ADAMTS2: variants seen among roughly 807,000 people sequenced by gnomAD.
ADAMTS2 encodes the protein A disintegrin and metalloproteinase with thrombospondin motifs 2.
Under a neutral mutation model 123.0 loss-of-function variants are expected in ADAMTS2, and 50 were observed. The ratio of observed to expected loss-of-function variants is 0.41; its 90% CI spans 0.32 to 0.51. The LOEUF is 0.51. ADAMTS2 is among the 20% of genes least tolerant of loss of function. The pLI is 0.35. For synonymous variants in ADAMTS2, 678 were observed against 695.4 expected (o/e 0.98, Z 0.39); for missense variants, 1,494 against 1,705.2 (o/e 0.88, Z 2.18).
chr5:179,255,756 G>A (rs1418817215), intron 3 of ADAMTS2, among the ~76,000 whole-genome samples: 1 of 152,182 alleles, frequency 6.6e-6, no homozygotes, highest in Non-Finnish European at 1.5e-5. Flanking sequence ...CCCCCAAGCA[G>A]GGGTGGCACG....
In ADAMTS2 at chr5:179,311,586, C is replaced by T. The variant is rs190536817; in HGVS notation, c.534+32181G>A. ...GAACTCTGCTAAGTCATGAATGCCC[C>T]ATCTCTCCATATCTGATCACCCTTG... On this transcript the variant is annotated intron_variant, in intron 2 of 21. Transcript: ENST00000251582. Among the ~76,000 whole-genome samples the T allele has an allele frequency of 1.3e-3, 198 of 152,310 alleles. 2 individuals are homozygous for T. The highest frequency in any genetic ancestry group is 4.7e-3 in the African/African-American group (195 of 41,566).
intron 2 of ADAMTS2, among the ~76,000 whole-genome samples, chr5:179,327,700 G>A (rs536421230): frequency 6.6e-6 from 1 of 152,218 alleles, no homozygotes; most frequent in African/African-American, 2.4e-5. Flanking sequence ...GTCCACTTTG[G>A]GTCTACCACC....
rs1435518879 is a variant in ADAMTS2, at chr5:179,129,240, G to A, written c.2457+692C>T. Among the ~76,000 whole-genome samples, 1 of 152,164 alleles carries A rather than the reference G, an allele frequency of 6.6e-6. No homozygotes were observed. The highest frequency in any genetic ancestry group is 1.5e-5 in the Non-Finnish European group (1 of 68,030). On this transcript the variant is annotated intron_variant, in intron 16 of 21. Transcript: ENST00000251582. This position sits in a 1 kb window ranked among gnomAD's most constrained non-coding sequence, Gnocchi z 4.1. ...CAGGCAGGGTGCCAGGGGGTACACG[G>A]GGCATACCTGGCTCACTGCTGCACC...
intron 5 of ADAMTS2, among the ~76,000 whole-genome samples, chr5:179,173,082 C>A (rs192089857): frequency 6.6e-6 from 1 of 150,994 alleles, no homozygotes; most frequent in African/African-American, 2.4e-5. Context: ...TGTGGTGGTG[C>A]GTGCCTGTAG....
In ADAMTS2 at chr5:179,262,251, C is replaced by T. The variant is rs1324150888; in HGVS notation, c.688+10660G>A. Among the ~76,000 whole-genome samples the T allele has an allele frequency of 2.6e-5, 4 of 152,116 alleles. No individual in the cohort carries two copies. Among genetic ancestry groups the T allele is most frequent in the Non-Finnish European group, 5.9e-5 (4 of 68,030 alleles). ...CACCTGCCCGGCCAGCCTCAGGCCA[C>T]CAGCCAGCCTCCCAGCCACGTGACC... On this transcript the variant is annotated intron_variant, in intron 3 of 21. Transcript: ENST00000251582. The surrounding 1 kb of genome is among the most constrained non-coding windows in gnomAD (Gnocchi z 5.9).
At chr5:179,325,226 G>A (rs1470023203) in intron 2 of ADAMTS2, among the ~76,000 whole-genome samples, 1 of 152,222 alleles carries the variant, frequency 6.6e-6, no homozygotes, top group African/African-American at 2.4e-5. Flanking sequence ...AGCAGGAAAT[G>A]ATGATGGTCA....
At chr5:179,344,444 C>A (rs560649654) in intron 1 of ADAMTS2, among the ~76,000 whole-genome samples, 138 of 152,338 alleles carry the variant, frequency 9.1e-4, no homozygotes, top group African/African-American at 3.2e-3. Context: ...AGGGTTGGGG[C>A]TCGGTGGGAA....
chr5:179,278,187 C>A (rs898604148), intron 2 of ADAMTS2, among the ~76,000 whole-genome samples: 1 of 91,902 alleles, frequency 1.1e-5, no homozygotes, highest in Non-Finnish European at 2.5e-5. Context: ...CAAAGGCTGA[C>A]CCCCCCAAGA....
At position 179,180,989 on chromosome 5, in the gene ADAMTS2, T is replaced by C; in HGVS notation, c.975+83A>G. ...GGGTGGTTCTGGCAAACGCACACACTCTCCAAGGAGGCCCATGCCTCACTC... is the reference window on the plus strand; with the variant it reads ...GGGTGGTTCTGGCAAACGCACACACCCTCCAAGGAGGCCCATGCCTCACTC... On this transcript the variant is annotated intron_variant, in intron 5 of 21. Transcript: ENST00000251582. This position sits in a 1 kb window ranked among gnomAD's most constrained non-coding sequence, Gnocchi z 4.6. The C allele has an allele frequency of 9.1e-7, 1 of 1,093,938 alleles. No individual in the cohort carries two copies. Among genetic ancestry groups the C allele is most frequent in the Non-Finnish European group, 1.4e-6 (1 of 714,610 alleles). The allele number at this position is 1,093,938 out of a possible 1,614,324, so 67.8% of individuals were successfully genotyped here.
At chr5:179,223,505 CTCATACGA>C (rs1229727589) in intron 3 of ADAMTS2, among the ~76,000 whole-genome samples, 9 of 151,232 alleles carry the variant, frequency 6.0e-5, no homozygotes, top group African/African-American at 2.2e-4. Flanking sequence ...CACATGCACA[CTCATACGA>C]ATGCACTCAC....
At chr5:179,219,624 G>A (rs749284355) in intron 3 of ADAMTS2, among the ~76,000 whole-genome samples, 1 of 152,232 alleles carries the variant, frequency 6.6e-6, no homozygotes, top group Non-Finnish European at 1.5e-5. Flanking sequence ...CCCAGCAGAG[G>A]TGTGAGGCTG....
chr5:179,186,096 C>T (rs958415492), intron 4 of ADAMTS2, among the ~76,000 whole-genome samples: 1 of 152,168 alleles, frequency 6.6e-6, no homozygotes, highest in African/African-American at 2.4e-5. Flanking sequence ...CAGGCCTGAG[C>T]AAGGCCGTGG....
rs778295250 is a variant in ADAMTS2 at position 179,129,949 on chromosome 5, C to T, written c.2440G>A (p.Gly814Ser). ...GGACTCACCAGAACGGTGATGGTGC[C>T]GTGGAGGGGGCCCATGGTCTGCAGC... The part of the protein sequence containing the change: ...ETLQTMGPLH[G>S]TITVLVIPVG... Residue 814 changes from glycine to serine, a missense_variant, in exon 16 of 22, where the codon GGC (glycine) becomes AGC (serine). By Grantham distance (56) the Gly-to-Ser change is moderately conservative. Coordinates refer to ENST00000251582, the MANE Select transcript of ADAMTS2 (RefSeq NM_014244.5). This position sits in a 1 kb window ranked among gnomAD's most constrained non-coding sequence, Gnocchi z 4.1. 22 of 1,613,934 alleles carry T rather than the reference C, an allele frequency of 1.4e-5. 1 individual carries two copies. In the South Asian group the frequency reaches 1.9e-4, roughly 14 times the overall value.
intron 3 of ADAMTS2, among the ~76,000 whole-genome samples, chr5:179,240,123 G>A (rs1041629709): frequency 6.6e-6 from 1 of 152,230 alleles, no homozygotes; most frequent in African/African-American, 2.4e-5. Flanking sequence ...AATGCGGATA[G>A]GGAGCAGATG....
At chr5:179,218,478 C>G (rs2113400622) in intron 3 of ADAMTS2, among the ~76,000 whole-genome samples, 1 of 152,352 alleles carries the variant, frequency 6.6e-6, no homozygotes, top group South Asian at 2.1e-4. Flanking sequence ...CCCACGGGGG[C>G]CATCAGCACA....
In ADAMTS2 at chr5:179,181,270, G is replaced by A. The variant is rs1452984464; in HGVS notation, c.892-115C>T. ...TTCTTCCCATGCTTTCCACCCAGGC[G>A]TCACCATCAACTAGGAGCCACCTTG... On this transcript the variant is annotated intron_variant, in intron 4 of 21. Coordinates refer to ENST00000251582, the MANE Select transcript of ADAMTS2 (RefSeq NM_014244.5). This position sits in a 1 kb window ranked among gnomAD's most constrained non-coding sequence, Gnocchi z 4.1. 2.0e-5 allele frequency: 16 copies of A among 796,430 alleles called. No homozygotes were observed. Among genetic ancestry groups the A allele is most frequent in the Admixed American group, 7.7e-5 (4 of 52,042 alleles). 49.3% of individuals were successfully genotyped at this position (796,430 alleles called of 1,614,324 possible). A position where few individuals can be genotyped will look rare whatever the true frequency, so the allele number is the denominator to read the frequency against.
intron 2 of ADAMTS2, among the ~76,000 whole-genome samples, chr5:179,301,964 G>C (rs2431424): frequency 0.029 from 4,353 of 152,294 alleles, 85 homozygotes; most frequent in Middle Eastern, 0.065. Context: ...TGCACACCTC[G>C]CCCCTGGGTG....
chr5:179,258,534 C>T (rs1006588745), intron 3 of ADAMTS2, among the ~76,000 whole-genome samples: 1 of 152,190 alleles, frequency 6.6e-6, no homozygotes, highest in African/African-American at 2.4e-5. Flanking sequence ...AGGCTGAAGG[C>T]AGCCCCCATG....
At chr5:179,268,122 T>C (rs1404375068) in intron 3 of ADAMTS2, among the ~76,000 whole-genome samples, 1 of 149,664 alleles carries the variant, frequency 6.7e-6, no homozygotes, top group Non-Finnish European at 1.5e-5. Context: ...ATTTTCTTGA[T>C]AGGATGTTCA....
Sources: allele counts gnomAD v4.1 joint callset (sites outside exome capture counted in the v4.1 genomes callset), GRCh38; gene constraint gnomAD v4.1.1; non-coding constraint Gnocchi (gnomAD v3.1); transcripts MANE v1.5; gene names NCBI Gene and HGNC (gene_info 2026-07-23, HGNC 2026-07-21).